Variants in GIPC3 observed in about 807,000 individuals in gnomAD.
GIPC3 encodes PDZ domain-containing protein GIPC3.
In GIPC3, 16 loss-of-function variants were observed where a neutral mutation model predicts 27.3. The ratio of observed to expected loss-of-function variants is 0.59; its 90% CI spans 0.40 to 0.89. The LOEUF is 0.89. Ranked by LOEUF, GIPC3 falls within the 40% of genes least tolerant of loss-of-function variation. The pLI, the probability that GIPC3 is intolerant of heterozygous loss-of-function variation, is 0.00. For synonymous variants in GIPC3, 194 were observed against 184.6 expected (o/e 1.05, Z -0.41); for missense variants, 440 against 442.1 (o/e 1.00, Z 0.04).
Position 3,592,230 on chromosome 19 carries a change from G to C in GIPC3, c.*2040G>C. On this transcript the variant is annotated 3_prime_UTR_variant, in exon 6 of 6. Transcript: ENST00000644452. ...TCGACCAGCCTCTGGGACTCAATTC[G>C]CCTCTAAAACCCTGCCAGGTTCTAG... 1 of 1,232,126 alleles carries C rather than the reference G, an allele frequency of 8.1e-7. No homozygotes were observed. Among genetic ancestry groups the C allele is most frequent in the Non-Finnish European group, 1.0e-6 (1 of 988,150 alleles). The allele number at this position is 1,232,126 out of a possible 1,614,324, so 76.3% of individuals were successfully genotyped here.
At chr19:3,586,444 GT>G in intron 1 of GIPC3, 50 bp from the exon 2 acceptor site, 1 of 1,552,996 alleles carries the variant, frequency 6.4e-7, no homozygotes, top group Non-Finnish European at 8.8e-7. Flanking sequence ...GGGTGGCTGC[GT>G]GGGGGGATGC....
At chr19:3,589,626 G>A in intron 4 of GIPC3, 71 bp downstream of exon 4, 1 of 1,346,566 alleles carries the variant, frequency 7.4e-7, no homozygotes, top group East Asian at 2.3e-5. Context: ...GTGCGGTCTT[G>A]GGTAAGAACT....
chr19:3,590,301 T>C lies in GIPC3; in HGVS notation c.*111T>C. On this transcript the variant is annotated 3_prime_UTR_variant, in exon 6 of 6. Coordinates refer to ENST00000644452, the MANE Select transcript of GIPC3 (RefSeq NM_133261.3). ...GGACAAGTTCCTCTCTAGAACCCAA[T>C]CCAATTTGGAGCCCCAGCCCAACTC... 1 of 1,465,702 alleles carries C rather than the reference T, an allele frequency of 6.8e-7. No individual in the cohort carries two copies. The highest frequency in any genetic ancestry group is 9.0e-7 in the Non-Finnish European group (1 of 1,107,838). The allele number at this position is 1,465,702 out of a possible 1,614,324, so 90.8% of individuals were successfully genotyped here. A position where few individuals can be genotyped will look rare whatever the true frequency, so the allele number is the denominator to read the frequency against.
chr19:3,592,329 A>C lies in GIPC3; in HGVS notation c.*2139A>C. On this transcript the variant is annotated 3_prime_UTR_variant, in exon 6 of 6. Coordinates refer to ENST00000644452, the MANE Select transcript of GIPC3 (RefSeq NM_133261.3). ...CTTTGGGAAGCAGAGCAGTTCTGAA[A>C]GTCAGCTTAGCTTTGGAACTCAGCC... is the stretch of plus-strand genomic sequence containing the variant. 1 of 1,232,050 alleles carries C rather than the reference A, an allele frequency of 8.1e-7. No individual in the cohort carries two copies. The highest frequency in any genetic ancestry group is 4.1e-5 in the South Asian group (1 of 24,314). The allele number at this position is 1,232,050 out of a possible 1,614,324, so 76.3% of individuals were successfully genotyped here.
Position 3,589,341 on chromosome 19 carries a change from G to A in GIPC3, c.593-102G>A, listed in dbSNP as rs4806942. On this transcript the variant is annotated intron_variant, in intron 3 of 5. Transcript: ENST00000644452. ...TACAGATGTAAGGAGGACTTTGAAGGGGAGGAAGATTCTAGAAAGGCTCGG... is the reference window on the plus strand; with the variant it reads ...TACAGATGTAAGGAGGACTTTGAAGAGGAGGAAGATTCTAGAAAGGCTCGG... 0.15 allele frequency: 121,012 copies of A among 829,344 alleles called. 11,118 individuals carry two copies. The highest frequency in any genetic ancestry group is 0.43 in the East Asian group (17,384 of 40,770). The allele number at this position is 829,344 out of a possible 1,614,324, so 51.4% of individuals were successfully genotyped here. A position where few individuals can be genotyped will look rare whatever the true frequency, so the allele number is the denominator to read the frequency against.
At position 3,593,524 on chromosome 19, in the gene GIPC3, G is replaced by A. The variant is rs998945523; in HGVS notation, c.*3334G>A. On this transcript the variant is annotated 3_prime_UTR_variant, in exon 6 of 6. Coordinates refer to ENST00000644452, the MANE Select transcript of GIPC3 (RefSeq NM_133261.3). ...CCCTGAGGGCTCATGGTGAATAAAG[G>A]CACCTTCCATCTCTGCAGCCTGGTG... 6.3e-5 allele frequency: 25 copies of A among 393,722 alleles called. No homozygotes were observed. The highest frequency in any genetic ancestry group is 1.1e-4 in the Non-Finnish European group (24 of 224,518). The allele number at this position is 393,722 out of a possible 1,614,324, so 24.4% of individuals were successfully genotyped here. A position where few individuals can be genotyped will look rare whatever the true frequency, so the allele number is the denominator to read the frequency against.
Position 3,591,355 on chromosome 19 carries a change from A to C in GIPC3, c.*1165A>C. 8.1e-7 allele frequency: 1 copy of C among 1,232,402 alleles called. No homozygotes were observed. The highest frequency in any genetic ancestry group is 3.2e-5 in the East Asian group (1 of 31,718). The allele number at this position is 1,232,402 out of a possible 1,614,324, so 76.3% of individuals were successfully genotyped here. On this transcript the variant is annotated 3_prime_UTR_variant, in exon 6 of 6. Coordinates refer to ENST00000644452, the MANE Select transcript of GIPC3 (RefSeq NM_133261.3). Reference sequence around the variant, plus strand: ...AACTCTGGAACCCAGACACATTTTAAGACCCAGACCAGCTTGGAGACCAAT... The same window carrying C: ...AACTCTGGAACCCAGACACATTTTACGACCCAGACCAGCTTGGAGACCAAT...
Position 3,586,529 on chromosome 19 carries a change from A to G in GIPC3, c.260A>G (p.Asp87Gly), listed in dbSNP as rs762240994. 6.2e-7 allele frequency: 1 copy of G among 1,613,924 alleles called. No individual in the cohort carries two copies. Among genetic ancestry groups the G allele is most frequent in the Non-Finnish European group, 8.5e-7 (1 of 1,179,988 alleles). ...LFCTLNSHKV[D>G]MQKLLGGQIG... ...TGCACCCTCAACAGCCACAAAGTGG[A>G]CATGCAGAAGCTCCTGGGGGGTCAG... The change falls in exon 2 of 6, where the codon GAC becomes GGC. Residue 87 changes from aspartate (D) to glycine (G), a missense_variant. Transcript: ENST00000644452.
rs2032461958 is a variant in GIPC3, at chr19:3,590,212, ACAGCCC to A, written c.*29_*34del. ...CTAGTTTGCCCTGGGGGGGCCCAGCACAGCCCCAGCCCGGAGCCCAGCCCCCTGCCC... is the reference window on the plus strand; with the variant it reads ...CTAGTTTGCCCTGGGGGGGCCCAGCACAGCCCGGAGCCCAGCCCCCTGCCC... On this transcript the variant is annotated 3_prime_UTR_variant, in exon 6 of 6. Coordinates refer to ENST00000644452, the MANE Select transcript of GIPC3 (RefSeq NM_133261.3). 6.4e-7 allele frequency: 1 copy of A among 1,571,740 alleles called. No homozygotes were observed.
At position 3,589,905 on chromosome 19, in the gene GIPC3, C is replaced by T. The variant is rs777289758; in HGVS notation, c.780C>T (p.Pro260=). ...LLESYMGIRD[P]ELASTMVETS... ...AAAGCTACATGGGCATTCGGGACCC[C>T]GAGCTGGGTAAGGGGCCAGGGTAAG... is the stretch of plus-strand genomic sequence containing the variant. Residue 260 remains proline, a synonymous_variant, in exon 5 of 6, where the codon CCC becomes CCT. Coordinates refer to ENST00000644452, the MANE Select transcript of GIPC3 (RefSeq NM_133261.3). The T allele has an allele frequency of 2.6e-5, 42 of 1,613,812 alleles. No homozygotes were observed. The highest frequency in any genetic ancestry group is 1.8e-4 in the East Asian group (8 of 44,880).
chr19:3,587,741 A>C (rs1012250049), intron 3 of GIPC3, among the ~76,000 whole-genome samples: 4 of 120,240 alleles, frequency 3.3e-5, no homozygotes, highest in Non-Finnish European at 6.3e-5. Context: ...CCCAGACTGC[A>C]GTGCAGTGGC....
chr19:3,591,979 G>C lies in GIPC3; in HGVS notation c.*1789G>C. 8.1e-7 allele frequency: 1 copy of C among 1,232,162 alleles called. No individual in the cohort carries two copies. The highest frequency in any genetic ancestry group is 4.1e-5 in the South Asian group (1 of 24,326). 76.3% of individuals were successfully genotyped at this position (1,232,162 alleles called of 1,614,324 possible). A position where few individuals can be genotyped will look rare whatever the true frequency, so the allele number is the denominator to read the frequency against. On this transcript the variant is annotated 3_prime_UTR_variant, in exon 6 of 6. Coordinates refer to ENST00000644452, the MANE Select transcript of GIPC3 (RefSeq NM_133261.3). ...CAATCCAGCCCAAGCACCGCACCCA[G>C]CTCTGGAACTCAGCTCAGTTCTGGA...
rs1568278727 is a variant in GIPC3 at position 3,589,911 on chromosome 19, G to C, written c.786G>C (p.Leu262=). ...ESYMGIRDPE[L]ASTMVETSKK... ...ACATGGGCATTCGGGACCCCGAGCTGGGTAAGGGGCCAGGGTAAGCCAGGG... is the reference window on the plus strand; with the variant it reads ...ACATGGGCATTCGGGACCCCGAGCTCGGTAAGGGGCCAGGGTAAGCCAGGG... Residue 262 remains leucine, a splice_region_variant and synonymous_variant, in exon 5 of 6, where the codon CTG becomes CTC. Transcript: ENST00000644452. The C allele has an allele frequency of 6.2e-7, 1 of 1,613,854 alleles. No homozygotes were observed. Among genetic ancestry groups the C allele is most frequent in the Admixed American group, 1.7e-5 (1 of 60,026 alleles).
At chr19:3,586,461 C>T (rs978479128) in intron 1 of GIPC3, 34 bp from the exon 2 acceptor site, 5 of 1,603,424 alleles carry the variant, frequency 3.1e-6, no homozygotes, top group Admixed American at 1.7e-5. Context: ...GATGCATGCC[C>T]TGGCTAACTC....
At position 3,591,696 on chromosome 19, in the gene GIPC3, G is replaced by A; in HGVS notation, c.*1506G>A. The A allele has an allele frequency of 8.1e-7, 1 of 1,234,552 alleles. No homozygotes were observed. The highest frequency in any genetic ancestry group is 3.1e-5 in the East Asian group (1 of 31,762). 76.5% of individuals were successfully genotyped at this position (1,234,552 alleles called of 1,614,324 possible). A position where few individuals can be genotyped will look rare whatever the true frequency, so the allele number is the denominator to read the frequency against. ...GCATCCAAGTGCCCATCCCCATCCTGCAGCCCAGTCCAGCTCCAGTGATGA... is the reference window on the plus strand; with the variant it reads ...GCATCCAAGTGCCCATCCCCATCCTACAGCCCAGTCCAGCTCCAGTGATGA... On this transcript the variant is annotated 3_prime_UTR_variant, in exon 6 of 6. Transcript: ENST00000644452.
chr19:3,593,312 T>C lies in GIPC3; in HGVS notation c.*3122T>C. 8.1e-7 allele frequency: 1 copy of C among 1,232,310 alleles called. No homozygotes were observed. The highest frequency in any genetic ancestry group is 1.0e-6 in the Non-Finnish European group (1 of 988,186). The allele number at this position is 1,232,310 out of a possible 1,614,324, so 76.3% of individuals were successfully genotyped here. A position where few individuals can be genotyped will look rare whatever the true frequency, so the allele number is the denominator to read the frequency against. ...AGCTTGGCTGTGACTTAGCCCTGGT[T>C]CATGTGGTTCTCGTCCTCTCCTGTC... On this transcript the variant is annotated 3_prime_UTR_variant, in exon 6 of 6. Coordinates refer to ENST00000644452, the MANE Select transcript of GIPC3 (RefSeq NM_133261.3).
At position 3,585,611 on chromosome 19, in the gene GIPC3, C is replaced by T. The variant is rs1041727296; in HGVS notation, c.14C>T (p.Ala5Val). 3 of 1,158,684 alleles carry T rather than the reference C, an allele frequency of 2.6e-6. No individual in the cohort carries two copies. The highest frequency in any genetic ancestry group is 3.2e-6 in the Non-Finnish European group (3 of 942,834). 71.8% of individuals were successfully genotyped at this position (1,158,684 alleles called of 1,614,324 possible). Residue 5 changes from alanine to valine, a missense_variant, in exon 1 of 6, where the codon GCG becomes GTG. By Grantham distance (64) the Ala-to-Val change is moderately conservative. Coordinates refer to ENST00000644452, the MANE Select transcript of GIPC3 (RefSeq NM_133261.3). ...ACTTCTCCCGCCATGGAGGGAGCAG[C>T]GGCCCGGGAGGCCCGGGGGACCGAG... MEGAAAREARGTETP... is the reference protein window; with the variant it reads MEGAVAREARGTETP...
At position 3,590,132 on chromosome 19, in the gene GIPC3, A is replaced by G; in HGVS notation, c.881A>G (p.Asp294Gly). Residue 294 changes from aspartate (D) to glycine (G), a missense_variant, in exon 6 of 6, where the codon GAC becomes GGC. Asp to Gly is a moderately conservative substitution (Grantham distance 94). Transcript: ENST00000644452. ...DSVLGEFAFP[D>G]EFVVEVWAAI... Reference sequence around the variant, plus strand: ...GTCTTGGGCGAGTTCGCCTTCCCCGACGAGTTTGTGGTGGAAGTGTGGGCC... The same window carrying G: ...GTCTTGGGCGAGTTCGCCTTCCCCGGCGAGTTTGTGGTGGAAGTGTGGGCC... 1 of 1,611,162 alleles carries G rather than the reference A, an allele frequency of 6.2e-7. No homozygotes were observed. Among genetic ancestry groups the G allele is most frequent in the Non-Finnish European group, 8.5e-7 (1 of 1,179,030 alleles).
chr19:3,587,065 G>C (rs2032383072), intron 3 of GIPC3, 71 bp downstream of exon 3: 1 of 1,455,450 alleles, frequency 6.9e-7, no homozygotes, highest in Non-Finnish European at 9.4e-7. Context: ...GAGGAGGGTC[G>C]GGGATGGGAC....
Sources: gnomAD v4.1 joint callset for allele counts (sites outside exome capture counted in the v4.1 genomes callset) on GRCh38, gnomAD v4.1.1 for gene constraint, MANE v1.5 for transcripts, NCBI Gene and HGNC (gene_info 2026-07-23, HGNC 2026-07-21) for gene names.